The following BCKDHB variants were observed in gnomAD, a reference collection of about 807,000 sequenced individuals.
BCKDHB encodes the protein branched chain keto acid dehydrogenase E1 subunit beta, also known as 2-oxoisovalerate dehydrogenase subunit beta, mitochondrial.
BCKDHB carries 41 observed loss-of-function variants against 48.5 expected under a neutral mutation model. The ratio of observed to expected loss-of-function variants is 0.85; its 90% CI spans 0.66 to 1.10. BCKDHB has a LOEUF of 1.10. BCKDHB is among the 50% of genes least tolerant of loss of function. The probability of loss-of-function intolerance (pLI) is 0.00; values close to 1 mark genes in which losing one functional copy is unlikely to be tolerated. For missense variants in BCKDHB, 496 were observed against 494.2 expected (o/e 1.00, Z -0.03); for synonymous variants, 201 against 174.8 (o/e 1.15, Z -1.18).
chr6:80,176,493 C>G (rs892272641), intron 6 of BCKDHB, among the ~76,000 whole-genome samples: 2 of 152,098 alleles, frequency 1.3e-5, no homozygotes, highest in Non-Finnish European at 2.9e-5. Flanking sequence ...AAGTACAGAG[C>G]TCACTTTAGG....
At chr6:80,404,455 GT>G in the BCKDHB span, among the ~76,000 whole-genome samples, 55,177 of 150,926 alleles carry the variant, frequency 0.37, 12,653 homozygotes, top group Non-Finnish European at 0.52. Context: ...TGAGTCTTCT[GT>G]TTTTTTTCCC....
the BCKDHB span, among the ~76,000 whole-genome samples, chr6:80,377,131 C>T: frequency 6.6e-6 from 1 of 151,536 alleles, no homozygotes; most frequent in African/African-American, 2.4e-5. Flanking sequence ...ACCTCTGTCT[C>T]CCAGGTTCAA....
intron 9 of BCKDHB, among the ~76,000 whole-genome samples, chr6:80,298,937 A>G (rs982003319): frequency 2.0e-5 from 3 of 152,246 alleles, no homozygotes; most frequent in Admixed American, 6.5e-5. Context: ...CCCATGTCCT[A>G]TGGTCCCGTA....
chr6:80,245,624 A>G (rs1776579043), intron 8 of BCKDHB, among the ~76,000 whole-genome samples: 1 of 152,192 alleles, frequency 6.6e-6, no homozygotes, highest in South Asian at 2.1e-4. Context: ...GCAAACTACT[A>G]TTCCAAAGTG....
chr6:80,185,505 C>A (rs1479891051), intron 6 of BCKDHB, among the ~76,000 whole-genome samples: 2 of 152,022 alleles, frequency 1.3e-5, no homozygotes, highest in East Asian at 1.9e-4. Context: ...CTTGTTTTGC[C>A]ATATTACCAT....
rs1770123414 is a variant in BCKDHB at position 80,344,912 on chromosome 6, G to A, written c.*1108G>A. On this transcript the variant is annotated 3_prime_UTR_variant, in exon 10 of 10. Transcript: ENST00000320393. ...GATAATTCATGACATTCTGAAACTTGCCTGTATATTATCTGAAAAATGGAT... is the reference window on the plus strand; with the variant it reads ...GATAATTCATGACATTCTGAAACTTACCTGTATATTATCTGAAAAATGGAT... 6.6e-6 allele frequency: 1 copy of A among 152,050 alleles called. No individual in the cohort carries two copies. Among genetic ancestry groups the A allele is most frequent in the South Asian group, 2.1e-4 (1 of 4,826 alleles). 9.4% of individuals were successfully genotyped at this position (152,050 alleles called of 1,614,324 possible). A position where few individuals can be genotyped will look rare whatever the true frequency, so the allele number is the denominator to read the frequency against.
At chr6:80,455,647 A>G in the BCKDHB span, among the ~76,000 whole-genome samples, 1 of 151,670 alleles carries the variant, frequency 6.6e-6, no homozygotes, top group Non-Finnish European at 1.5e-5. Flanking sequence ...ACATGCACCT[A>G]TGCAATGGGA....
At chr6:80,369,387 C>T in the BCKDHB span, among the ~76,000 whole-genome samples, 25 of 151,994 alleles carry the variant, frequency 1.6e-4, no homozygotes, top group African/African-American at 5.3e-4. Flanking sequence ...AGACTGGAAC[C>T]CAGAAGAGTT....
At chr6:80,232,328 TC>T (rs932850908) in intron 8 of BCKDHB, among the ~76,000 whole-genome samples, 17 of 151,906 alleles carry the variant, frequency 1.1e-4, no homozygotes, top group African/African-American at 4.1e-4. Flanking sequence ...AGAGCTAAAA[TC>T]GATCAAGATC....
intron 3 of BCKDHB, among the ~76,000 whole-genome samples, chr6:80,163,837 T>C (rs1242151404): frequency 6.6e-6 from 1 of 152,196 alleles, no homozygotes; most frequent in African/African-American, 2.4e-5. Context: ...GCCAAAAGAC[T>C]TTGAATCATC....
chr6:80,448,365 A>G, the BCKDHB span, among the ~76,000 whole-genome samples: 1 of 152,172 alleles, frequency 6.6e-6, no homozygotes, highest in Non-Finnish European at 1.5e-5. Context: ...AGGAAGTGAC[A>G]TTGTCTGATT....
At chr6:80,426,043 A>G in the BCKDHB span, among the ~76,000 whole-genome samples, 1 of 152,166 alleles carries the variant, frequency 6.6e-6, no homozygotes, top group East Asian at 1.9e-4. Context: ...GTAGTGTTCT[A>G]AATACAGCTT....
At chr6:80,436,646 G>C in the BCKDHB span, among the ~76,000 whole-genome samples, 1 of 152,166 alleles carries the variant, frequency 6.6e-6, no homozygotes, top group East Asian at 1.9e-4. Flanking sequence ...GAATTTTTAA[G>C]CCTTTTCTTT....
chr6:80,454,381 G>T, the BCKDHB span, among the ~76,000 whole-genome samples: 5 of 152,124 alleles, frequency 3.3e-5, no homozygotes, highest in Non-Finnish European at 5.9e-5. Flanking sequence ...AGTCACACTT[G>T]TTTTTTACTT....
intron 9 of BCKDHB, among the ~76,000 whole-genome samples, chr6:80,330,839 T>C (rs74669029): frequency 6.6e-6 from 1 of 151,822 alleles, no homozygotes; most frequent in Non-Finnish European, 1.5e-5. Flanking sequence ...CAATTTTTTT[T>C]CTGCCCAGAC....
chr6:80,332,911 A>G (rs1289637960), intron 9 of BCKDHB, among the ~76,000 whole-genome samples: 6 of 116,570 alleles, frequency 5.1e-5, no homozygotes, highest in African/African-American at 1.5e-4. Flanking sequence ...TCATCTTCCC[A>G]GCAAGCACTA....
At chr6:80,371,137 C>G in the BCKDHB span, among the ~76,000 whole-genome samples, 1 of 152,052 alleles carries the variant, frequency 6.6e-6, no homozygotes, top group African/African-American at 2.4e-5. Context: ...TTTACCACAT[C>G]CATGCCAACT....
At chr6:80,117,443 G>A (rs1376779022) in intron 1 of BCKDHB, among the ~76,000 whole-genome samples, 1 of 152,168 alleles carries the variant, frequency 6.6e-6, no homozygotes, top group Non-Finnish European at 1.5e-5. Flanking sequence ...GAAATAAATA[G>A]CAACTTAGAT....
the BCKDHB span, among the ~76,000 whole-genome samples, chr6:80,453,693 A>G: frequency 6.6e-6 from 1 of 152,258 alleles, no homozygotes; most frequent in East Asian, 1.9e-4. Context: ...TGATAGATAA[A>G]AAGGAGTAGT....
Sources: gnomAD v4.1 joint callset for allele counts (sites outside exome capture counted in the v4.1 genomes callset) on GRCh38, gnomAD v4.1.1 for gene constraint, MANE v1.5 for transcripts, NCBI Gene and HGNC (gene_info 2026-07-23, HGNC 2026-07-21) for gene names.